Variants in ACACA observed in about 807,000 individuals in gnomAD.
ACACA encodes acetyl-CoA carboxylase 1.
A neutral mutation model predicts 296.1 loss-of-function variants in ACACA; 103 were observed. That is an observed-to-expected ratio of 0.35 (90% CI 0.30 to 0.41). ACACA has a LOEUF of 0.41. ACACA is among the 10% of genes least tolerant of loss of function. The probability of loss-of-function intolerance (pLI) is 1.00; values close to 1 mark genes in which losing one functional copy is unlikely to be tolerated. For synonymous variants in ACACA, 953 were observed against 1,038.6 expected, an observed-to-expected ratio of 0.92 and a Z score of 1.58; for missense variants, 1,554 against 2,989.7, an observed-to-expected ratio of 0.52 and a Z score of 11.20.
At chr17:37,274,109 A>G in intron 9 of ACACA, 84 bp downstream of exon 9, 1 of 1,185,462 alleles carries the variant, frequency 8.4e-7, no homozygotes, top group South Asian at 1.2e-5. Flanking sequence ...TTGGGTATAT[A>G]TCACGAGCCA....
At chr17:37,381,492 T>C (rs2050256439) in intron 1 of ACACA, among the ~76,000 whole-genome samples, 1 of 151,600 alleles carries the variant, frequency 6.6e-6, no homozygotes, top group South Asian at 2.1e-4. Context: ...GGCCAATCCC[T>C]TGCTTTTCCA....
chr17:37,133,703 C>T (rs1054479525), intron 45 of ACACA, among the ~76,000 whole-genome samples: 5 of 152,204 alleles, frequency 3.3e-5, no homozygotes, highest in African/African-American at 1.2e-4. Context: ...TGTTTCAGTT[C>T]CCAAATATAT....
intron 5 of ACACA, among the ~76,000 whole-genome samples, chr17:37,281,998 A>G (rs1156441372): frequency 1.3e-5 from 2 of 152,186 alleles, no homozygotes; most frequent in Non-Finnish European, 2.9e-5. Flanking sequence ...AGAGATGTGA[A>G]AGTGTGCATC....
intron 1 of ACACA, among the ~76,000 whole-genome samples, chr17:37,347,496 A>G (rs2048681859): frequency 6.6e-6 from 1 of 152,028 alleles, no homozygotes; most frequent in African/African-American, 2.4e-5. Context: ...GGGTTTTGTT[A>G]TGTTGCCCAG....
intron 24 of ACACA, among the ~76,000 whole-genome samples, chr17:37,237,449 C>T (rs1306282089): frequency 1.3e-5 from 2 of 152,086 alleles, no homozygotes; most frequent in Admixed American, 1.3e-4. Flanking sequence ...CCAACTGTTA[C>T]CAAAGTGGTA....
intron 47 of ACACA, among the ~76,000 whole-genome samples, chr17:37,128,742 G>A (rs983721586): frequency 1.3e-5 from 2 of 152,160 alleles, no homozygotes; most frequent in Non-Finnish European, 1.5e-5. Flanking sequence ...TATATCTGGA[G>A]GGAGAGCTTA....
intron 1 of ACACA, among the ~76,000 whole-genome samples, chr17:37,373,620 A>G (rs953087628): frequency 6.6e-5 from 10 of 152,152 alleles, no homozygotes; most frequent in African/African-American, 2.2e-4. Flanking sequence ...AAACTCTTAG[A>G]CTTCATCTTT....
chr17:37,181,322 G>A lies in ACACA; in HGVS notation c.4811C>T (p.Pro1604Leu), dbSNP rs2063195967. 6.2e-7 allele frequency: 1 copy of A among 1,613,860 alleles called. No homozygotes were observed. Among genetic ancestry groups the A allele is most frequent in the Admixed American group, 1.7e-5 (1 of 59,988 alleles). Residue 1604 changes from proline to leucine, a missense_variant, in exon 40 of 56, where the codon CCA becomes CTA. By Grantham distance (98) the Pro-to-Leu change is moderately conservative (BLOSUM62 -3). Around this residue, in one of 16 missense-constraint regions of ACACA, gnomAD observed 553 missense variants for 1,043.6 expected, o/e 0.53. Coordinates refer to ENST00000616317, the MANE Select transcript of ACACA (RefSeq NM_198834.3). ...AGTATTGATTAACATTCCATGCAGTGGTCCCTGTTTGTCTCCATATGCCTG... is the reference window on the plus strand; with the variant it reads ...AGTATTGATTAACATTCCATGCAGTAGTCCCTGTTTGTCTCCATATGCCTG... ...MFQAYGDKQG[P>L]LHGMLINTPY...
intron 1 of ACACA, among the ~76,000 whole-genome samples, chr17:37,386,635 T>C (rs2050544399): frequency 6.6e-6 from 1 of 152,106 alleles, no homozygotes; most frequent in Non-Finnish European, 1.5e-5. Flanking sequence ...GTCCCAGAAA[T>C]GTTTGTAATT....
chr17:37,258,599 C>G (rs1298729737), intron 12 of ACACA, among the ~76,000 whole-genome samples: 1 of 152,172 alleles, frequency 6.6e-6, no homozygotes, highest in African/African-American at 2.4e-5. Flanking sequence ...TCCCCACATT[C>G]CTAATGCAAC....
At chr17:37,320,710 G>A (rs1430179506) in intron 3 of ACACA, among the ~76,000 whole-genome samples, 1 of 152,038 alleles carries the variant, frequency 6.6e-6, no homozygotes, top group Non-Finnish European at 1.5e-5. Context: ...ACTTTGGGAA[G>A]CCGAGGCAGG....
chr17:37,398,309 G>A (rs1412306677), intron 1 of ACACA, among the ~76,000 whole-genome samples: 5 of 108,152 alleles, frequency 4.6e-5, no homozygotes, highest in African/African-American at 1.4e-4. Context: ...TTTTTGAGAC[G>A]AAGTTTCGCT....
At position 37,207,661 on chromosome 17, in the gene ACACA, C is replaced by CA; in HGVS notation, c.3846dup (p.Val1283CysfsTer5). On this transcript the variant is annotated frameshift_variant, in exon 31 of 56. Coordinates refer to ENST00000616317, the MANE Select transcript of ACACA (RefSeq NM_198834.3). LOFTEE classifies it high-confidence loss of function. ...CATAGTTCCACAATGTCTTACCTGA[C>CA]AAAATCTTCAAAAGTCCGAAAAGAG... The CA allele has an allele frequency of 6.2e-7, 1 of 1,613,920 alleles. No individual in the cohort carries two copies. Among genetic ancestry groups the CA allele is most frequent in the Non-Finnish European group, 8.5e-7 (1 of 1,179,876 alleles).
intron 2 of ACACA, among the ~76,000 whole-genome samples, chr17:37,330,734 G>A (rs563958312): frequency 6.6e-6 from 1 of 152,238 alleles, no homozygotes; most frequent in South Asian, 2.1e-4. Context: ...ATGATCAATG[G>A]GGAAACCTTT....
intron 25 of ACACA, 120 bp downstream of exon 25, chr17:37,234,855 A>G (rs1343327110): frequency 8.6e-7 from 1 of 1,158,890 alleles, no homozygotes; most frequent in South Asian, 1.3e-5. Context: ...CTCAAGCCCC[A>G]TTCATCCCAT....
At chr17:37,254,768 G>A (rs1294869368) in intron 14 of ACACA, among the ~76,000 whole-genome samples, 5 of 151,656 alleles carry the variant, frequency 3.3e-5, no homozygotes, top group African/African-American at 4.9e-5. Flanking sequence ...CAGATCACTC[G>A]AGGTCAGGAA....
At chr17:37,311,313 T>C (rs1260234943) in intron 3 of ACACA, among the ~76,000 whole-genome samples, 2 of 152,098 alleles carry the variant, frequency 1.3e-5, no homozygotes, top group Non-Finnish European at 2.9e-5. Context: ...TTGGAACACT[T>C]CTCAGGACCC....
intron 1 of ACACA, chr17:37,385,950 A>C: frequency 8.3e-7 from 1 of 1,204,114 alleles, no homozygotes; most frequent in Non-Finnish European, 1.2e-6. Context: ...CATCAGATAA[A>C]ACCAAAGGCA....
chr17:37,351,029 A>G (rs949442959), intron 1 of ACACA, among the ~76,000 whole-genome samples: 6 of 151,956 alleles, frequency 3.9e-5, no homozygotes, highest in African/African-American at 1.5e-4. Flanking sequence ...AATCCCAGCT[A>G]CTCGGGAACC....
Sources: allele counts gnomAD v4.1 joint callset (sites outside exome capture counted in the v4.1 genomes callset), GRCh38; gene constraint gnomAD v4.1.1; regional missense constraint gnomAD v4.1.1; transcripts MANE v1.5; gene names NCBI Gene and HGNC (gene_info 2026-07-23, HGNC 2026-07-21).